HACD1: variants seen among roughly 807,000 people sequenced by gnomAD.
The protein encoded by HACD1 is 3-hydroxyacyl-CoA dehydratase 1, also known as very-long-chain (3R)-3-hydroxyacyl-CoA dehydratase 1.
HACD1 carries 41 observed loss-of-function variants against 32.0 expected under a neutral mutation model. The observed-to-expected ratio is 1.28, with a 90% CI of 1.00 to 1.66. The LOEUF (loss-of-function observed/expected upper bound fraction) is 1.66. Among genes scored for constraint, HACD1 ranks in the 40% most tolerant of loss-of-function variants. The pLI, the probability that HACD1 is intolerant of heterozygous loss-of-function variation, is 0.00. For missense variants in HACD1, 396 were observed against 380.1 expected, an observed-to-expected ratio of 1.04 and a Z score of -0.35; for synonymous variants, 142 against 139.0, an observed-to-expected ratio of 1.02 and a Z score of -0.15.
At chr10:17,597,720 T>G (rs1834012676) in intron 5 of HACD1, among the ~76,000 whole-genome samples, 1 of 152,196 alleles carries the variant, frequency 6.6e-6, no homozygotes, top group Non-Finnish European at 1.5e-5. Flanking sequence ...ATTGATGTGT[T>G]CTAGGATTAG....
chr10:17,607,300 C>G (rs1834161894), intron 1 of HACD1, among the ~76,000 whole-genome samples: 1 of 152,102 alleles, frequency 6.6e-6, no homozygotes, highest in Non-Finnish European at 1.5e-5. Context: ...TCTACCCCAG[C>G]TTCACTGTGG....
At position 17,601,865 on chromosome 10, in the gene HACD1, G is replaced by A. The variant is rs113439989; in HGVS notation, c.483+1695C>T. 7.4e-3 allele frequency among the ~76,000 whole-genome samples: 1,122 copies of A among 152,112 alleles called. 12 individuals carry two copies. The highest frequency in any genetic ancestry group is 0.026 in the African/African-American group (1,081 of 41,490). On this transcript the variant is annotated intron_variant, in intron 4 of 6. Coordinates refer to ENST00000361271, the MANE Select transcript of HACD1 (RefSeq NM_014241.4). ...AGGGATAAAGTATAAAGAGCAGGAG[G>A]TCAGTGAGCTGTCCCCATGCAGACA...
intron 1 of HACD1, among the ~76,000 whole-genome samples, chr10:17,611,336 T>C (rs947487441): frequency 9.9e-5 from 15 of 152,152 alleles, no homozygotes; most frequent in African/African-American, 3.6e-4. Context: ...GTCTTGCAAT[T>C]TCAGATCTCT....
At chr10:17,612,385 T>G (rs186221148) in intron 1 of HACD1, among the ~76,000 whole-genome samples, 1 of 152,332 alleles carries the variant, frequency 6.6e-6, no homozygotes, top group East Asian at 1.9e-4. Flanking sequence ...ATAACAGCAA[T>G]GCTGTAATAC....
chr10:17,604,161 G>A lies in HACD1; in HGVS notation c.258-114C>T, dbSNP rs1262878382. ...GTGAAAAGGTAAAAGCAACCCAGGT[G>A]TCCATAAGTGAGTGAATGGATACTT... is the stretch of plus-strand genomic sequence containing the variant. On this transcript the variant is annotated intron_variant, in intron 1 of 6. Coordinates refer to ENST00000361271, the MANE Select transcript of HACD1 (RefSeq NM_014241.4). 24 of 729,924 alleles carry A rather than the reference G, an allele frequency of 3.3e-5. No individual in the cohort carries two copies. The African/African-American group carries it at 4.3e-4, about 13-fold the overall frequency. The allele number at this position is 729,924 out of a possible 1,614,324, so 45.2% of individuals were successfully genotyped here.
intron 1 of HACD1, among the ~76,000 whole-genome samples, chr10:17,605,316 G>C (rs782086089): frequency 6.6e-6 from 1 of 152,096 alleles, no homozygotes; most frequent in Admixed American, 6.6e-5. Context: ...CCTGAGGCCA[G>C]AGGTTTGAGA....
chr10:17,594,365 G>T lies in HACD1; in HGVS notation c.624C>A (p.Ile208=). The change falls in exon 6 of 7, where the codon ATC becomes ATA. Residue 208 remains isoleucine (I), a synonymous_variant. Transcript: ENST00000361271. ...IKWARYNFFI[I]LYPVGVAGEL... ...CACCAGCAACTCCAACAGGATATAA[G>T]ATGATAAAAAAATTATATCTGGAGA... 1 of 1,474,480 alleles carries T rather than the reference G, an allele frequency of 6.8e-7. No homozygotes were observed. The allele number at this position is 1,474,480 out of a possible 1,614,324, so 91.3% of individuals were successfully genotyped here. A position where few individuals can be genotyped will look rare whatever the true frequency, so the allele number is the denominator to read the frequency against.
At chr10:17,592,515 G>A (rs1554815659) in intron 6 of HACD1, among the ~76,000 whole-genome samples, 1 of 152,074 alleles carries the variant, frequency 6.6e-6, no homozygotes, top group East Asian at 1.9e-4. Flanking sequence ...CTGGCCAGTG[G>A]GACTCAGTAG....
intron 4 of HACD1, among the ~76,000 whole-genome samples, chr10:17,600,631 C>T (rs149994176): frequency 1.9e-3 from 296 of 152,066 alleles, no homozygotes; most frequent in African/African-American, 6.9e-3. Flanking sequence ...CAGCCCAGCA[C>T]CCTTCTTCTA....
rs781928114 is a variant in HACD1 at position 17,603,542 on chromosome 10, C to T, written c.483+18G>A. ...CTTTCCTGCAGGCTCAAGTAGACAA[C>T]ATGTTTGTGTCACTTACTGGTTTTA... On this transcript the variant is annotated intron_variant, in intron 4 of 6. Coordinates refer to ENST00000361271, the MANE Select transcript of HACD1 (RefSeq NM_014241.4). The T allele has an allele frequency of 5.1e-6, 8 of 1,575,194 alleles. No homozygotes were observed. In the South Asian group the frequency reaches 5.6e-5, roughly 11 times the overall value.
chr10:17,597,728 T>G (rs1162201278), intron 5 of HACD1, among the ~76,000 whole-genome samples: 3 of 151,878 alleles, frequency 2.0e-5, no homozygotes, highest in Non-Finnish European at 2.9e-5. Flanking sequence ...GTTCTAGGAT[T>G]AGAGTCCAGC....
rs1295712713 is a variant in HACD1, at chr10:17,599,343, G to A, written c.552C>T (p.Ser184=). 6.2e-7 allele frequency: 1 copy of A among 1,613,898 alleles called. No individual in the cohort carries two copies. Among genetic ancestry groups the A allele is most frequent in the Non-Finnish European group, 8.5e-7 (1 of 1,180,022 alleles). The change falls in exon 5 of 7, where the codon TCC becomes TCT. Residue 184 remains serine, a synonymous_variant. Transcript: ENST00000361271. Reference sequence around the variant, plus strand: ...GGTCAAGAAGGCTGAATGTGTAGAAGGAATAGCGAGTGATCTCTGTCACAG... The same window carrying A: ...GGTCAAGAAGGCTGAATGTGTAGAAAGAATAGCGAGTGATCTCTGTCACAG... ...AWTVTEITRY[S]FYTFSLLDHL...
chr10:17,602,366 C>T (rs912742684), intron 4 of HACD1, among the ~76,000 whole-genome samples: 5 of 151,882 alleles, frequency 3.3e-5, no homozygotes, highest in Non-Finnish European at 5.9e-5. Flanking sequence ...CCACCTCGCC[C>T]GGCCCTGTCA....
At position 17,594,232 on chromosome 10, in the gene HACD1, G is replaced by T; in HGVS notation, c.757C>A (p.Leu253Ile). 5 of 1,578,076 alleles carry T rather than the reference G, an allele frequency of 3.2e-6. No homozygotes were observed. The highest frequency in any genetic ancestry group is 4.3e-6 in the Non-Finnish European group (5 of 1,163,274). ...NVSFDYYYFL[L>I]ITMASYIPLF... ...GGTATATATGATGCCATGGTTATAA[G>T]AAGAAAATAATAGTAGTCAAAAGAG... The change falls in exon 6 of 7, where the codon CTT (leucine) becomes ATT (isoleucine). Residue 253 changes from leucine to isoleucine, a missense_variant. Coordinates refer to ENST00000361271, the MANE Select transcript of HACD1 (RefSeq NM_014241.4).
At chr10:17,606,310 G>A (rs1834147962) in intron 1 of HACD1, among the ~76,000 whole-genome samples, 1 of 152,238 alleles carries the variant, frequency 6.6e-6, no homozygotes, top group African/African-American at 2.4e-5. Context: ...GAGTTGTGGA[G>A]ACCAGCTTTC....
At chr10:17,604,463 G>C (rs1171505478) in intron 1 of HACD1, among the ~76,000 whole-genome samples, 1 of 133,104 alleles carries the variant, frequency 7.5e-6, no homozygotes. Context: ...TAGCCTGGGC[G>C]ACAGAGCTGT....
chr10:17,590,785 C>T (rs1198083237), intron 6 of HACD1, among the ~76,000 whole-genome samples: 25 of 152,170 alleles, frequency 1.6e-4, no homozygotes, highest in Admixed American at 5.2e-4. Flanking sequence ...AGTTCTCCTG[C>T]CTCAGTCTCC....
chr10:17,617,047 C>G (rs782668289), intron 1 of HACD1, 36 bp downstream of exon 1: 27 of 1,389,988 alleles, frequency 1.9e-5, no homozygotes, highest in Non-Finnish European at 6.5e-6. Flanking sequence ...GACCGCGGCG[C>G]GGGGAGGGCC....
intron 1 of HACD1, among the ~76,000 whole-genome samples, chr10:17,604,939 C>G (rs1250464356): frequency 6.6e-6 from 1 of 152,158 alleles, no homozygotes; most frequent in Non-Finnish European, 1.5e-5. Context: ...CTCCTGAACT[C>G]AAGTGATCCA....
Sources: allele counts gnomAD v4.1 joint callset (sites outside exome capture counted in the v4.1 genomes callset), GRCh38; gene constraint gnomAD v4.1.1; transcripts MANE v1.5; gene names NCBI Gene and HGNC (gene_info 2026-07-23, HGNC 2026-07-21).